The following INPP5F variants were observed in gnomAD, a reference collection of about 807,000 sequenced individuals.
The protein encoded by INPP5F is phosphatidylinositide 4-phosphatase SAC2.
Under a neutral mutation model 137.2 loss-of-function variants are expected in INPP5F, and 97 were observed. The observed-to-expected ratio is 0.71, with a 90% CI of 0.60 to 0.84. The LOEUF is 0.84. Among genes scored for constraint, INPP5F ranks in the 40% least tolerant of loss-of-function variants. The pLI, the probability that INPP5F is intolerant of heterozygous loss-of-function variation, is 0.00. For missense variants in INPP5F, 1,271 were observed against 1,371.9 expected (o/e 0.93, Z 1.16); for synonymous variants, 504 against 476.9 (o/e 1.06, Z -0.74).
At chr10:119,767,794 A>G (rs1019000539) in intron 2 of INPP5F, among the ~76,000 whole-genome samples, 5 of 139,980 alleles carry the variant, frequency 3.6e-5, no homozygotes, top group African/African-American at 1.2e-4. Flanking sequence ...CAGGAAGTAG[A>G]GAGAATCATT....
intron 2 of INPP5F, among the ~76,000 whole-genome samples, chr10:119,773,658 T>A (rs1187258018): frequency 6.6e-6 from 1 of 152,220 alleles, no homozygotes; most frequent in African/African-American, 2.4e-5. Context: ...ATCTTTTCCT[T>A]TACCTAGTAT....
chr10:119,736,432 C>T (rs2134105167), intron 1 of INPP5F, among the ~76,000 whole-genome samples: 1 of 152,264 alleles, frequency 6.6e-6, no homozygotes, highest in African/African-American at 2.4e-5. Context: ...TCCCAAAGTT[C>T]TCGGATTACA....
intron 1 of INPP5F, among the ~76,000 whole-genome samples, chr10:119,743,594 G>A (rs1021657695): frequency 1.4e-5 from 2 of 146,502 alleles, no homozygotes; most frequent in African/African-American, 2.5e-5. Flanking sequence ...GTGGGGAGTC[G>A]GATTCCAGGC....
At chr10:119,759,080 A>G (rs540629052) in intron 2 of INPP5F, among the ~76,000 whole-genome samples, 11 of 152,322 alleles carry the variant, frequency 7.2e-5, no homozygotes, top group Admixed American at 1.3e-4. Context: ...TGGAGCTCTC[A>G]TCCTCTGCTG....
chr10:119,787,654 A>T lies in INPP5F; in HGVS notation c.316-3863A>T, dbSNP rs1306428883. Reference sequence around the variant, plus strand: ...GGGAGGGGAAGGGGAGGAGGAAGGGAGGAAGGCAGGCAGGCAGGCAGGAAG... The same window carrying T: ...GGGAGGGGAAGGGGAGGAGGAAGGGTGGAAGGCAGGCAGGCAGGCAGGAAG... On this transcript the variant is annotated intron_variant, in intron 3 of 19. Transcript: ENST00000650623. This position sits in a 1 kb window ranked among gnomAD's most constrained non-coding sequence, Gnocchi z 4.1. 6.6e-6 allele frequency among the ~76,000 whole-genome samples: 1 copy of T among 152,012 alleles called. No homozygotes were observed. Among genetic ancestry groups the T allele is most frequent in the Non-Finnish European group, 1.5e-5 (1 of 67,964 alleles).
At position 119,740,643 on chromosome 10, in the gene INPP5F, A is replaced by G. The variant is rs924273774; in HGVS notation, c.98-10433A>G. ...CTGCAACCTCCGCCTTCTGGTTTCA[A>G]GTGATTCTCCTGCCTCAGCCTTCCG... is the stretch of plus-strand genomic sequence containing the variant. On this transcript the variant is annotated intron_variant, in intron 1 of 19. Transcript: ENST00000650623. Among the ~76,000 whole-genome samples, 5 of 152,068 alleles carry G rather than the reference A, an allele frequency of 3.3e-5. No homozygotes were observed. In the East Asian group the frequency reaches 5.8e-4, roughly 18 times the overall value.
chr10:119,822,427 C>G lies in INPP5F; in HGVS notation c.1959-4C>G. 6.9e-7 allele frequency: 1 copy of G among 1,452,576 alleles called. No individual in the cohort carries two copies. 90.0% of individuals were successfully genotyped at this position (1,452,576 alleles called of 1,614,324 possible). A position where few individuals can be genotyped will look rare whatever the true frequency, so the allele number is the denominator to read the frequency against. On this transcript the variant is annotated splice_polypyrimidine_tract_variant and splice_region_variant and intron_variant, in intron 16 of 19. Coordinates refer to ENST00000650623, the MANE Select transcript of INPP5F (RefSeq NM_014937.4). ...CTCTTTTAACTTCATTTCCTTTTAT[C>G]TAGTTATGATGATGAAGTTGATAAA...
At chr10:119,796,262 A>C (rs1850378353) in intron 6 of INPP5F, among the ~76,000 whole-genome samples, 1 of 152,176 alleles carries the variant, frequency 6.6e-6, no homozygotes. Context: ...TAAAGTGATC[A>C]GAGTTGGTTG....
At chr10:119,754,982 C>T (rs889814766) in intron 2 of INPP5F, among the ~76,000 whole-genome samples, 2 of 152,228 alleles carry the variant, frequency 1.3e-5, no homozygotes, top group East Asian at 1.9e-4. Context: ...GAAACTCTCT[C>T]CTGTTTCCCT....
intron 1 of INPP5F, among the ~76,000 whole-genome samples, chr10:119,732,681 A>G (rs1230660509): frequency 6.6e-6 from 1 of 151,334 alleles, no homozygotes; most frequent in Admixed American, 6.6e-5. Flanking sequence ...TTCTATTTTT[A>G]GTAGAGACGG....
In INPP5F at chr10:119,827,149, T is replaced by A; in HGVS notation, c.2768T>A (p.Val923Asp). The change falls in exon 20 of 20, where the codon GTT becomes GAT. Residue 923 changes from valine to aspartate, a missense_variant. Around this residue, in one of 6 missense-constraint regions of INPP5F, gnomAD observed 490 missense variants for 443.7 expected, o/e 1.10. Transcript: ENST00000650623. ...SSVHAPSEIT[V>D]AHGSGLGKGQ... ...GTTCATGCTCCTTCAGAGATTACTG[T>A]TGCTCATGGGAGTGGGCTTGGAAAA... The A allele has an allele frequency of 6.2e-7, 1 of 1,614,138 alleles. No homozygotes were observed. Among genetic ancestry groups the A allele is most frequent in the Non-Finnish European group, 8.5e-7 (1 of 1,180,032 alleles).
chr10:119,767,109 A>G (rs920632005), intron 2 of INPP5F, among the ~76,000 whole-genome samples: 28 of 66,504 alleles, frequency 4.2e-4, no homozygotes, highest in African/African-American at 1.4e-3. Context: ...TGTCTCCAGA[A>G]AAAAAAAAAA....
intron 15 of INPP5F, among the ~76,000 whole-genome samples, chr10:119,818,441 C>G (rs890920298): frequency 6.6e-6 from 1 of 152,248 alleles, no homozygotes; most frequent in Non-Finnish European, 1.5e-5. Flanking sequence ...AGGGGCCAGA[C>G]GCTCGGTGCA....
chr10:119,749,809 C>G (rs547367844), intron 1 of INPP5F, among the ~76,000 whole-genome samples: 3 of 152,136 alleles, frequency 2.0e-5, no homozygotes, highest in African/African-American at 7.2e-5. Context: ...AAAACAGTAT[C>G]GCACTGTTGC....
chr10:119,798,303 A>G (rs7893770), intron 8 of INPP5F, among the ~76,000 whole-genome samples: 9,955 of 152,204 alleles, frequency 0.065, 441 homozygotes, highest in South Asian at 0.26. Context: ...GAAGTAGGCT[A>G]GATATATAAA....
At chr10:119,821,362 A>G (rs1023428563) in intron 16 of INPP5F, among the ~76,000 whole-genome samples, 3 of 141,786 alleles carry the variant, frequency 2.1e-5, no homozygotes, top group South Asian at 5.3e-4. Flanking sequence ...GTGTGTGTGC[A>G]TGTGCCTGCG....
At chr10:119,774,043 T>TTGCTTGAGCCCAGCAGTTTGAGACCAGC in intron 2 of INPP5F, among the ~76,000 whole-genome samples, 8 of 152,158 alleles carry the variant, frequency 5.3e-5, no homozygotes, top group African/African-American at 1.9e-4. Context: ...GGTGGGCAGA[T>TTGCTTGAGCCCAGCAGTTTGAGACCAGC]CACAAGGTCA....
chr10:119,800,947 CAAAA>C (rs11365692), intron 9 of INPP5F, among the ~76,000 whole-genome samples: 2 of 73,848 alleles, frequency 2.7e-5, no homozygotes, highest in Admixed American at 1.5e-4. Context: ...CACTCTGTCT[CAAAA>C]AAAAAAAAAA....
chr10:119,742,101 G>T (rs927084980), intron 1 of INPP5F, among the ~76,000 whole-genome samples: 6 of 152,044 alleles, frequency 3.9e-5, no homozygotes, highest in African/African-American at 1.4e-4. Context: ...GGGTTTACAG[G>T]CATAGAGCCA....
Sources: allele counts gnomAD v4.1 joint callset (sites outside exome capture counted in the v4.1 genomes callset), GRCh38; gene constraint gnomAD v4.1.1; regional missense constraint gnomAD v4.1.1; non-coding constraint Gnocchi (gnomAD v3.1); transcripts MANE v1.5; gene names NCBI Gene and HGNC (gene_info 2026-07-23, HGNC 2026-07-21).